The following MED19 variants were observed in gnomAD, a reference collection of about 807,000 sequenced individuals.
The protein encoded by MED19 is mediator of RNA polymerase II transcription subunit 19.
A neutral mutation model predicts 19.9 loss-of-function variants in MED19; 4 were observed. That is an observed-to-expected ratio of 0.20 (90% CI 0.10 to 0.46). MED19 has a LOEUF of 0.46. MED19 is among the 20% of genes least tolerant of loss of function. The pLI is 0.99. For synonymous variants in MED19, 139 were observed against 119.6 expected, an observed-to-expected ratio of 1.16 and a Z score of -1.06; for missense variants, 303 against 318.7, an observed-to-expected ratio of 0.95 and a Z score of 0.38.
intron 1 of MED19, among the ~76,000 whole-genome samples, chr11:57,706,184 C>T (rs887270209): frequency 2.0e-5 from 3 of 152,138 alleles, no homozygotes; most frequent in East Asian, 1.9e-4. Flanking sequence ...TTTGCTCTGT[C>T]GCCTAGGCTG....
intron 1 of MED19, among the ~76,000 whole-genome samples, chr11:57,706,737 A>G (rs1358163152): frequency 1.3e-5 from 2 of 150,474 alleles, no homozygotes; most frequent in Non-Finnish European, 2.9e-5. Context: ...TGTCTCAAAA[A>G]AAACAAAACA....
chr11:57,712,110 C>T, exon 1 of MED19: 1 of 1,527,048 alleles, frequency 6.5e-7, no homozygotes, highest in South Asian at 1.2e-5. Flanking sequence ...TTTCCTGGTC[C>T]GAAGCCGAGT....
At chr11:57,708,919 A>G (rs1184577772) in intron 1 of MED19, among the ~76,000 whole-genome samples, 1 of 152,200 alleles carries the variant, frequency 6.6e-6, no homozygotes, top group Non-Finnish European at 1.5e-5. Context: ...CAGTTTTTTC[A>G]ATTATAAAAT....
exon 1 of MED19, chr11:57,712,151 G>A: frequency 6.5e-7 from 1 of 1,532,570 alleles, no homozygotes; most frequent in East Asian, 2.6e-5. Flanking sequence ...GTCAGCCTGA[G>A]CCCCAAACAG....
chr11:57,706,155 T>C (rs2135415673), intron 1 of MED19, among the ~76,000 whole-genome samples: 1 of 152,250 alleles, frequency 6.6e-6, no homozygotes, highest in Middle Eastern at 3.4e-3. Flanking sequence ...TAAATGTTTT[T>C]TGTTTTTGAG....
intron 1 of MED19, among the ~76,000 whole-genome samples, chr11:57,707,159 C>T (rs1014878788): frequency 2.7e-5 from 4 of 148,550 alleles, no homozygotes; most frequent in Admixed American, 2.0e-4. Context: ...GTTTGCACCA[C>T]TGCACTCCAG....
At chr11:57,705,425 G>T (rs905128437) in intron 1 of MED19, among the ~76,000 whole-genome samples, 196 bp from the exon 2 acceptor site, 1 of 152,146 alleles carries the variant, frequency 6.6e-6, no homozygotes, top group Non-Finnish European at 1.5e-5. Flanking sequence ...GCTGAGGCGG[G>T]TGGATCACCA....
rs187498984 is a variant in MED19, at chr11:57,707,877, G to A, written c.218-2648C>T. Reference sequence around the variant, plus strand: ...TGAGACAGTCTCGCTCTGTCACCCAGGCTGGAGTGTAATGGCACAATCTTA... The same window carrying A: ...TGAGACAGTCTCGCTCTGTCACCCAAGCTGGAGTGTAATGGCACAATCTTA... On this transcript the variant is annotated intron_variant, in intron 1 of 4. Transcript: ENST00000431606. 3.0e-3 allele frequency among the ~76,000 whole-genome samples: 456 copies of A among 152,280 alleles called. 4 individuals are homozygous for A. The highest frequency in any genetic ancestry group is 0.011 in the African/African-American group (438 of 41,554).
In MED19 at chr11:57,704,953, C is replaced by T. The variant is rs375341236; in HGVS notation, c.474+20G>A. The T allele has an allele frequency of 7.5e-5, 120 of 1,608,206 alleles. No individual in the cohort carries two copies. Among genetic ancestry groups the T allele is most frequent in the Non-Finnish European group, 9.4e-5 (111 of 1,177,038 alleles). On this transcript the variant is annotated intron_variant, in intron 2 of 4. Transcript: ENST00000431606. ...ATGTTTAGGCCTCCCCATTTGCCTTCTTCCTCCAACAGGACTCACCGGGCC... is the reference window on the plus strand; with the variant it reads ...ATGTTTAGGCCTCCCCATTTGCCTTTTTCCTCCAACAGGACTCACCGGGCC...
intron 3 of MED19, 120 bp downstream of exon 3, chr11:57,704,599 G>A (rs758896717): frequency 1.2e-6 from 2 of 1,606,980 alleles, no homozygotes; most frequent in Admixed American, 3.4e-5. Context: ...GGGAATTTAG[G>A]AGTCCAGAGC....
At chr11:57,704,158 G>T (rs557801347) in intron 4 of MED19, 52 bp from the exon 5 acceptor site, 33 of 1,535,344 alleles carry the variant, frequency 2.1e-5, no homozygotes, top group Non-Finnish European at 2.8e-5. Context: ...CCTTGGCTTT[G>T]ATCAGGCTGT....
chr11:57,707,252 T>C (rs994476683), intron 1 of MED19, among the ~76,000 whole-genome samples: 13 of 152,126 alleles, frequency 8.5e-5, no homozygotes, highest in African/African-American at 2.9e-4. Context: ...CATATAAATA[T>C]TGCATGGCTG....
chr11:57,703,800 T>C (rs1946476333), exon 5 of MED19: 2 of 475,628 alleles, frequency 4.2e-6, no homozygotes, highest in Non-Finnish European at 7.1e-6. Context: ...GAGAAGAAAA[T>C]TGTAAGCTTC....
At chr11:57,712,213 G>T in exon 1 of MED19, 3 of 1,479,950 alleles carry the variant, frequency 2.0e-6, no homozygotes, top group Non-Finnish European at 2.7e-6. Context: ...CTCCGTGTCT[G>T]CCGTTGGTAA....
chr11:57,704,768 C>T, exon 3 of MED19: 1 of 1,518,612 alleles, frequency 6.6e-7, no homozygotes, highest in Non-Finnish European at 8.9e-7. Context: ...TGTGCTTATT[C>T]TTCTTCTTGG....
intron 1 of MED19, among the ~76,000 whole-genome samples, chr11:57,708,901 C>T (rs542198100): frequency 2.4e-4 from 37 of 152,298 alleles, no homozygotes; most frequent in African/African-American, 8.4e-4. Context: ...GTCAACTTCT[C>T]CATGTTTCAG....
In MED19 at chr11:57,711,951, C is replaced by A; in HGVS notation, c.217+12G>T. Reference sequence around the variant, plus strand: ...ATTTGATTGGCTGGCTTTGGCAAGGCCGAGTACTCACCTGGCAGTTCCCTC... The same window carrying A: ...ATTTGATTGGCTGGCTTTGGCAAGGACGAGTACTCACCTGGCAGTTCCCTC... On this transcript the variant is annotated intron_variant, in intron 1 of 4. Coordinates refer to ENST00000431606, the Ensembl canonical transcript of MED19. 1 of 1,432,708 alleles carries A rather than the reference C, an allele frequency of 7.0e-7. No individual in the cohort carries two copies. The highest frequency in any genetic ancestry group is 2.8e-5 in the East Asian group (1 of 36,126). 88.7% of individuals were successfully genotyped at this position (1,432,708 alleles called of 1,614,324 possible).
chr11:57,704,568 G>A, intron 3 of MED19, 151 bp downstream of exon 3: 1 of 1,597,610 alleles, frequency 6.3e-7, no homozygotes, highest in Non-Finnish European at 8.5e-7. Flanking sequence ...AGAGACCACA[G>A]TACATTGGTT....
In MED19 at chr11:57,708,408, T is replaced by A. The variant is rs555914209; in HGVS notation, c.218-3179A>T. Among the ~76,000 whole-genome samples, 31 of 152,264 alleles carry A rather than the reference T, an allele frequency of 2.0e-4. No homozygotes were observed. In the East Asian group the frequency reaches 2.9e-3, roughly 14 times the overall value. On this transcript the variant is annotated intron_variant, in intron 1 of 4. Coordinates refer to ENST00000431606, the Ensembl canonical transcript of MED19. ...AAAATTTCTGATCCATCCAAATGGA[T>A]CTCCTTATCGCCTCAAAAAAACACC...
Sources: gnomAD v4.1 joint callset for allele counts (sites outside exome capture counted in the v4.1 genomes callset) on GRCh38, gnomAD v4.1.1 for gene constraint, MANE v1.5 for transcripts, NCBI Gene and HGNC (gene_info 2026-07-23, HGNC 2026-07-21) for gene names.